The following SUSD5 variants were observed in gnomAD, a reference collection of about 807,000 sequenced individuals.
The protein encoded by SUSD5 is sushi domain-containing protein 5.
SUSD5 carries 33 observed loss-of-function variants against 29.5 expected under a neutral mutation model. That is an observed-to-expected ratio of 1.12 (90% CI 0.85 to 1.49). The LOEUF is 1.49. Ranked by LOEUF, SUSD5 falls within the 40% of genes most tolerant of loss-of-function variation. The pLI is 0.00. For synonymous variants in SUSD5, 308 were observed against 325.3 expected, an observed-to-expected ratio of 0.95 and a Z score of 0.57; for missense variants, 776 against 800.6, an observed-to-expected ratio of 0.97 and a Z score of 0.37.
At chr3:33,183,918 T>C (rs1257128381) in intron 3 of SUSD5, among the ~76,000 whole-genome samples, 1 of 148,220 alleles carries the variant, frequency 6.7e-6, no homozygotes, top group Non-Finnish European at 1.5e-5. Flanking sequence ...ACTTTAAATA[T>C]TTTATTACCC....
intron 2 of SUSD5, among the ~76,000 whole-genome samples, chr3:33,210,319 A>AC (rs746843844): frequency 6.6e-6 from 1 of 152,156 alleles, no homozygotes; most frequent in Non-Finnish European, 1.5e-5. Context: ...TGTCCAGCTT[A>AC]CCCTTAGGGC....
intron 4 of SUSD5, among the ~76,000 whole-genome samples, chr3:33,174,565 G>A (rs993912950): frequency 2.0e-5 from 3 of 152,180 alleles, no homozygotes; most frequent in African/African-American, 7.2e-5. Flanking sequence ...CACAGCTGAT[G>A]TTCCGACTTG....
At chr3:33,169,882 T>G (rs1217117304) in intron 4 of SUSD5, among the ~76,000 whole-genome samples, 2 of 152,036 alleles carry the variant, frequency 1.3e-5, no homozygotes, top group African/African-American at 4.8e-5. Context: ...GTCTTCACAC[T>G]TGGCGGCAGA....
intron 4 of SUSD5, among the ~76,000 whole-genome samples, chr3:33,171,962 A>T (rs2031435430): frequency 6.6e-6 from 1 of 152,142 alleles, no homozygotes; most frequent in African/African-American, 2.4e-5. Context: ...TTTAGGGTTG[A>T]GACAGTGTTT....
At chr3:33,154,504 CAG>C (rs1404112225) in intron 4 of SUSD5, among the ~76,000 whole-genome samples, 1 of 151,962 alleles carries the variant, frequency 6.6e-6, no homozygotes, top group African/African-American at 2.4e-5. Context: ...GCCTGGGTGA[CAG>C]AGTGAGACTC....
intron 3 of SUSD5, among the ~76,000 whole-genome samples, chr3:33,181,957 G>A (rs2031680844): frequency 1.3e-5 from 2 of 152,158 alleles, no homozygotes; most frequent in Non-Finnish European, 2.9e-5. Flanking sequence ...AATGAATACT[G>A]TATTTCTTTT....
intron 1 of SUSD5, 26 bp downstream of exon 1, chr3:33,218,660 C>G (rs1444524415): frequency 5.5e-6 from 7 of 1,276,266 alleles, no homozygotes; most frequent in Non-Finnish European, 5.9e-6. Context: ...CTCCACCCCC[C>G]GCCCCGCCGC....
At chr3:33,158,202 A>G (rs2031097637) in intron 4 of SUSD5, among the ~76,000 whole-genome samples, 1 of 152,240 alleles carries the variant, frequency 6.6e-6, no homozygotes, top group Admixed American at 6.5e-5. Flanking sequence ...CTCCCAAAAC[A>G]CAAGAGGACT....
chr3:33,194,789 G>A (rs1047783748), intron 3 of SUSD5, among the ~76,000 whole-genome samples: 3 of 151,812 alleles, frequency 2.0e-5, no homozygotes, highest in African/African-American at 7.3e-5. Flanking sequence ...GGAGAGAGAT[G>A]GAATAGTAGC....
chr3:33,202,274 C>A (rs1461441875), intron 3 of SUSD5, among the ~76,000 whole-genome samples: 1 of 152,120 alleles, frequency 6.6e-6, no homozygotes, highest in African/African-American at 2.4e-5. Flanking sequence ...TTAATTGGTT[C>A]CAATCTGGTA....
At chr3:33,190,271 C>T in intron 3 of SUSD5, 1 of 164,164 alleles carries the variant, frequency 6.1e-6, no homozygotes, top group Non-Finnish European at 1.3e-5. Context: ...ATCAAGTCTG[C>T]CCTTTCTGCC....
rs534692519 is a variant in SUSD5 at position 33,218,671 on chromosome 3, C to T, written c.112+15G>A. On this transcript the variant is annotated intron_variant, in intron 1 of 4. Transcript: ENST00000309558. ...CACGCTCCACCCCCCGCCCCGCCGC[C>T]TCCCGCACACTCACCATCCGCCCGC... 115 of 1,280,164 alleles carry T rather than the reference C, an allele frequency of 9.0e-5. 2 individuals are homozygous for T. In the South Asian group the frequency reaches 2.3e-3, roughly 25 times the overall value. 79.3% of individuals were successfully genotyped at this position (1,280,164 alleles called of 1,614,324 possible). A position where few individuals can be genotyped will look rare whatever the true frequency, so the allele number is the denominator to read the frequency against.
At chr3:33,178,717 C>T (rs549518503) in intron 3 of SUSD5, among the ~76,000 whole-genome samples, 13 of 152,266 alleles carry the variant, frequency 8.5e-5, no homozygotes, top group African/African-American at 2.4e-4. Flanking sequence ...GGATTACAGG[C>T]GTGAGCCACC....
At chr3:33,189,144 A>G (rs572536190) in intron 3 of SUSD5, among the ~76,000 whole-genome samples, 40 of 152,326 alleles carry the variant, frequency 2.6e-4, no homozygotes, top group African/African-American at 7.7e-4. Context: ...AATCTACATG[A>G]TAGTACTCCT....
chr3:33,202,992 G>A (rs1024238928), intron 3 of SUSD5, among the ~76,000 whole-genome samples: 1 of 152,158 alleles, frequency 6.6e-6, no homozygotes, highest in African/African-American at 2.4e-5. Flanking sequence ...GCACCATGCA[G>A]CATCACTGGG....
chr3:33,170,565 G>A (rs751267121), intron 4 of SUSD5, among the ~76,000 whole-genome samples: 33 of 152,302 alleles, frequency 2.2e-4, no homozygotes, highest in Admixed American at 5.9e-4. Flanking sequence ...CCTGGTCGGC[G>A]TGTGGCTGAG....
chr3:33,160,773 G>A (rs952617910), intron 4 of SUSD5, among the ~76,000 whole-genome samples: 11 of 149,702 alleles, frequency 7.3e-5, no homozygotes, highest in African/African-American at 2.5e-4. Flanking sequence ...AAAGAACAGA[G>A]CAGACTGAGA....
intron 3 of SUSD5, among the ~76,000 whole-genome samples, chr3:33,181,412 G>A (rs1311668195): frequency 6.7e-6 from 1 of 148,860 alleles, no homozygotes; most frequent in Non-Finnish European, 1.5e-5. Flanking sequence ...GGAGATTTGA[G>A]ATAAAATCTC....
intron 3 of SUSD5, among the ~76,000 whole-genome samples, chr3:33,205,016 C>CAT (rs1231217398): frequency 3.3e-5 from 5 of 151,972 alleles, no homozygotes; most frequent in South Asian, 4.2e-4. Context: ...TGTGTGTATA[C>CAT]ATATATATAT....
Sources: allele counts gnomAD v4.1 joint callset (sites outside exome capture counted in the v4.1 genomes callset), GRCh38; gene constraint gnomAD v4.1.1; transcripts MANE v1.5; gene names NCBI Gene and HGNC (gene_info 2026-07-23, HGNC 2026-07-21).